Variants in PLXNA2 observed in about 807,000 individuals in gnomAD.
PLXNA2 encodes the protein plexin A2.
Under a neutral mutation model 193.5 loss-of-function variants are expected in PLXNA2, and 91 were observed. The ratio of observed to expected loss-of-function variants is 0.47; its 90% CI spans 0.40 to 0.56. The LOEUF (loss-of-function observed/expected upper bound fraction) is 0.56, where lower values mean the gene tolerates loss of function less well. Among genes scored for constraint, PLXNA2 ranks in the 20% least tolerant of loss-of-function variants. PLXNA2 has a pLI of 0.00. For synonymous variants in PLXNA2, 997 were observed against 1,027.3 expected (o/e 0.97, Z 0.56); for missense variants, 1,995 against 2,503.2 (o/e 0.80, Z 4.33).
chr1:208,107,786 G>A (rs761427761), intron 4 of PLXNA2, among the ~76,000 whole-genome samples: 5 of 152,064 alleles, frequency 3.3e-5, no homozygotes, highest in Admixed American at 3.3e-4. Context: ...GGGATCTGGG[G>A]GTGGCTGGGC....
chr1:208,120,433 G>A (rs1558202504), intron 4 of PLXNA2, among the ~76,000 whole-genome samples: 1 of 152,126 alleles, frequency 6.6e-6, no homozygotes. Context: ...ATGGGGAGGG[G>A]CAGGCAGCAC....
chr1:208,116,147 C>T (rs925887599), intron 4 of PLXNA2, among the ~76,000 whole-genome samples: 4 of 152,182 alleles, frequency 2.6e-5, no homozygotes, highest in Admixed American at 6.5e-5. Flanking sequence ...TCCCCTCTCC[C>T]GCTCATGTGC....
At chr1:208,065,702 G>A (rs770413719) in intron 12 of PLXNA2, among the ~76,000 whole-genome samples, 3 of 152,302 alleles carry the variant, frequency 2.0e-5, no homozygotes, top group East Asian at 1.9e-4. Flanking sequence ...CTCATGGGCC[G>A]TTTGGAGAAT....
intron 13 of PLXNA2, among the ~76,000 whole-genome samples, chr1:208,058,358 G>A (rs74152184): frequency 1.2e-4 from 18 of 152,256 alleles, no homozygotes; most frequent in African/African-American, 3.9e-4. Context: ...CCCTTTAACC[G>A]ACATTAACCT....
chr1:208,214,266 T>A (rs780251868), intron 2 of PLXNA2, among the ~76,000 whole-genome samples: 1 of 152,238 alleles, frequency 6.6e-6, no homozygotes, highest in Admixed American at 6.5e-5. Context: ...CTTATTATGT[T>A]CCAGGTATTG....
chr1:208,134,106 C>G (rs533143837), intron 4 of PLXNA2, among the ~76,000 whole-genome samples: 1 of 152,184 alleles, frequency 6.6e-6, no homozygotes, highest in Admixed American at 6.5e-5. Flanking sequence ...TGTATTCAAT[C>G]ATTTCTTTCC....
intron 3 of PLXNA2, among the ~76,000 whole-genome samples, chr1:208,194,653 T>A (rs891613253): frequency 6.6e-6 from 1 of 152,228 alleles, no homozygotes; most frequent in Admixed American, 6.5e-5. Context: ...TATCTATACA[T>A]CCTGCCACCA....
intron 3 of PLXNA2, among the ~76,000 whole-genome samples, chr1:208,202,187 C>T (rs1445029406): frequency 6.6e-6 from 1 of 151,972 alleles, no homozygotes; most frequent in Non-Finnish European, 1.5e-5. Flanking sequence ...ATCATGTTGG[C>T]CAGGCTGGTC....
At chr1:208,117,744 G>A (rs1234334634) in intron 4 of PLXNA2, among the ~76,000 whole-genome samples, 1 of 152,018 alleles carries the variant, frequency 6.6e-6, no homozygotes, top group Non-Finnish European at 1.5e-5. Flanking sequence ...GAACTCCTCT[G>A]ACCCCTCTCC....
In PLXNA2 at chr1:208,063,154, G is replaced by A. The variant is rs780560107; in HGVS notation, c.2587-2317C>T. Among the ~76,000 whole-genome samples, 295 of 152,230 alleles carry A rather than the reference G, an allele frequency of 1.9e-3. 4 individuals carry two copies. The highest frequency in any genetic ancestry group is 2.2e-3 in the Non-Finnish European group (152 of 68,028). On this transcript the variant is annotated intron_variant, in intron 12 of 31. Transcript: ENST00000367033. ...TTTATTTCTTAAAAAACATTCTTTT[G>A]CTCGCTGCAGTTAATTACAACCTTT...
At chr1:208,070,491 G>T (rs1665943960) in intron 12 of PLXNA2, among the ~76,000 whole-genome samples, 1 of 152,212 alleles carries the variant, frequency 6.6e-6, no homozygotes, top group Non-Finnish European at 1.5e-5. Flanking sequence ...TCCCATTTCT[G>T]CAGCAGGCTT....
intron 1 of PLXNA2, among the ~76,000 whole-genome samples, chr1:208,223,392 G>A (rs1440794324): frequency 1.3e-5 from 2 of 152,198 alleles, no homozygotes; most frequent in South Asian, 2.1e-4. Context: ...GGTCCTGGGA[G>A]TTAGTTACGT....
At chr1:208,081,124 G>A (rs1179974993) in intron 11 of PLXNA2, among the ~76,000 whole-genome samples, 1 of 152,198 alleles carries the variant, frequency 6.6e-6, no homozygotes, top group East Asian at 1.9e-4. Context: ...TAAGCTCCAG[G>A]TGCTAAGGCA....
At chr1:208,104,459 A>T (rs1463552051) in intron 4 of PLXNA2, among the ~76,000 whole-genome samples, 1 of 152,158 alleles carries the variant, frequency 6.6e-6, no homozygotes, top group Non-Finnish European at 1.5e-5. Context: ...CTTGCTCTAC[A>T]TTGTGCTGAG....
chr1:208,023,664 C>T lies in PLXNA2; in HGVS notation c.*3579G>A, dbSNP rs1238156310. ...TTCTTCCTTTGCTGGACCACTTTTC[C>T]TACAAAACTGGTACCCTGTGCCACT... On this transcript the variant is annotated 3_prime_UTR_variant, in exon 32 of 32. Coordinates refer to ENST00000367033, the MANE Select transcript of PLXNA2 (RefSeq NM_025179.4). 6.6e-6 allele frequency: 1 copy of T among 152,488 alleles called. No individual in the cohort carries two copies. The highest frequency in any genetic ancestry group is 2.4e-5 in the African/African-American group (1 of 41,438). The allele number at this position is 152,488 out of a possible 1,614,324, so 9.4% of individuals were successfully genotyped here.
At chr1:208,155,364 C>T (rs758915954) in intron 3 of PLXNA2, among the ~76,000 whole-genome samples, 7 of 152,040 alleles carry the variant, frequency 4.6e-5, no homozygotes, top group African/African-American at 1.2e-4. Flanking sequence ...GAAGGCAGCT[C>T]GGGGCAAACC....
At chr1:208,068,867 T>C (rs903400357) in intron 12 of PLXNA2, among the ~76,000 whole-genome samples, 6 of 152,248 alleles carry the variant, frequency 3.9e-5, no homozygotes, top group African/African-American at 1.4e-4. Context: ...CGGAAAGCTG[T>C]ATTTGCGTCT....
intron 31 of PLXNA2, among the ~76,000 whole-genome samples, chr1:208,027,706 C>A: frequency 6.6e-6 from 1 of 152,072 alleles, no homozygotes; most frequent in Admixed American, 6.6e-5. Flanking sequence ...CAGGATCTGC[C>A]CGAATGCAAA....
chr1:208,060,554 C>T, intron 13 of PLXNA2, 132 bp downstream of exon 13: 1 of 891,046 alleles, frequency 1.1e-6, no homozygotes, highest in East Asian at 2.9e-5. Flanking sequence ...GGGGAGGCTT[C>T]TGGGGCAGGT....
Sources: gnomAD v4.1 joint callset for allele counts (sites outside exome capture counted in the v4.1 genomes callset) on GRCh38, gnomAD v4.1.1 for gene constraint, MANE v1.5 for transcripts, NCBI Gene and HGNC (gene_info 2026-07-23, HGNC 2026-07-21) for gene names.